ZC3H12C: variants seen among roughly 807,000 people sequenced by gnomAD.
ZC3H12C encodes zinc finger CCCH-type containing 12C, also known as probable ribonuclease ZC3H12C.
A neutral mutation model predicts 76.3 loss-of-function variants in ZC3H12C; 20 were observed. The ratio of observed to expected loss-of-function variants is 0.26; its 90% CI spans 0.18 to 0.38. The LOEUF (loss-of-function observed/expected upper bound fraction) is 0.38. Ranked by LOEUF, ZC3H12C falls within the 10% of genes least tolerant of loss-of-function variation. The pLI is 1.00. For synonymous variants in ZC3H12C, 352 were observed against 399.6 expected, an observed-to-expected ratio of 0.88 and a Z score of 1.42; for missense variants, 874 against 1,086.5, an observed-to-expected ratio of 0.80 and a Z score of 2.75.
chr11:110,143,724 A>G (rs1021902449), intron 2 of ZC3H12C, among the ~76,000 whole-genome samples: 2 of 152,160 alleles, frequency 1.3e-5, no homozygotes, highest in Non-Finnish European at 2.9e-5. Context: ...GGGTCTTGCT[A>G]TGTTGTCCAG....
chr11:110,160,328 C>A (rs1862457067), intron 4 of ZC3H12C, among the ~76,000 whole-genome samples: 1 of 152,034 alleles, frequency 6.6e-6, no homozygotes, highest in African/African-American at 2.4e-5. Context: ...TCAAAAAATA[C>A]TTTTCTTTTT....
intron 1 of ZC3H12C, among the ~76,000 whole-genome samples, chr11:110,107,623 T>G (rs1861354990): frequency 6.6e-6 from 1 of 152,110 alleles, no homozygotes; most frequent in Non-Finnish European, 1.5e-5. Flanking sequence ...CCTCCCGGGT[T>G]TAAGCAAATC....
chr11:110,115,864 G>A (rs1253990781), intron 1 of ZC3H12C, among the ~76,000 whole-genome samples: 2 of 149,910 alleles, frequency 1.3e-5, no homozygotes, highest in East Asian at 2.0e-4. Flanking sequence ...GGGTTCAAGC[G>A]ATTCTCCTGC....
chr11:110,161,396 A>G (rs1862479437), intron 4 of ZC3H12C, among the ~76,000 whole-genome samples: 1 of 152,122 alleles, frequency 6.6e-6, no homozygotes, highest in Admixed American at 6.5e-5. Context: ...GTAATGTAAG[A>G]CTCTGGTCAT....
chr11:110,114,876 A>G (rs1300954864), intron 1 of ZC3H12C, among the ~76,000 whole-genome samples: 5 of 152,188 alleles, frequency 3.3e-5, no homozygotes, highest in African/African-American at 1.2e-4. Flanking sequence ...TTAACTTTTC[A>G]ATAATTTATA....
chr11:110,120,270 C>G (rs1187001171), intron 1 of ZC3H12C, among the ~76,000 whole-genome samples: 1 of 152,090 alleles, frequency 6.6e-6, no homozygotes. Flanking sequence ...TTAAAGATGC[C>G]TTATTTAATA....
chr11:110,163,440 T>C lies in ZC3H12C; in HGVS notation c.1255+61T>C, dbSNP rs1565269841. ...AGAACACAATATATTATTAAACTTT[T>C]GTTAACAAAAATGAACACTTAAAAT... On this transcript the variant is annotated intron_variant, in intron 5 of 5. Transcript: ENST00000278590. 8 of 1,389,140 alleles carry C rather than the reference T, an allele frequency of 5.8e-6. No individual in the cohort carries two copies. In the East Asian group the frequency reaches 1.8e-4, roughly 31 times the overall value. The allele number at this position is 1,389,140 out of a possible 1,614,324, so 86.1% of individuals were successfully genotyped here. A position where few individuals can be genotyped will look rare whatever the true frequency, so the allele number is the denominator to read the frequency against.
intron 3 of ZC3H12C, among the ~76,000 whole-genome samples, chr11:110,158,954 A>T (rs1862427687): frequency 6.6e-6 from 1 of 152,238 alleles, no homozygotes; most frequent in South Asian, 2.1e-4. Flanking sequence ...TGGTCGTGTG[A>T]TGACTCCAGC....
rs1862677527 is a variant in ZC3H12C, at chr11:110,171,453, G to C, written c.*5716G>C. 6.6e-6 allele frequency: 1 copy of C among 152,104 alleles called. No individual in the cohort carries two copies. The highest frequency in any genetic ancestry group is 1.5e-5 in the Non-Finnish European group (1 of 68,032). 9.4% of individuals were successfully genotyped at this position (152,104 alleles called of 1,614,324 possible). ...AAAAGTAAGGCAAAGGATGTGTAGT[G>C]CAACCATCTGATAAACTAGTGTGAT... On this transcript the variant is annotated 3_prime_UTR_variant, in exon 6 of 6. Transcript: ENST00000278590.
intron 3 of ZC3H12C, among the ~76,000 whole-genome samples, chr11:110,158,504 A>T (rs1862418419): frequency 6.6e-6 from 1 of 151,394 alleles, no homozygotes; most frequent in South Asian, 2.1e-4. Flanking sequence ...ACCAAGACTC[A>T]GTCACAGAAA....
intron 1 of ZC3H12C, among the ~76,000 whole-genome samples, chr11:110,113,735 C>T (rs1343537737): frequency 6.6e-6 from 1 of 152,180 alleles, no homozygotes; most frequent in African/African-American, 2.4e-5. Flanking sequence ...ATAACTCCTT[C>T]CTCTTTTGTC....
At chr11:110,102,451 C>T (rs1861234457) in intron 1 of ZC3H12C, among the ~76,000 whole-genome samples, 1 of 151,984 alleles carries the variant, frequency 6.6e-6, no homozygotes, top group Non-Finnish European at 1.5e-5. Flanking sequence ...AAAGATGTGA[C>T]TGAACTGCTG....
intron 1 of ZC3H12C, among the ~76,000 whole-genome samples, chr11:110,121,839 GC>G (rs1161601894): frequency 9.9e-5 from 15 of 152,128 alleles, no homozygotes; most frequent in African/African-American, 3.4e-4. Flanking sequence ...TGGGTTTGCA[GC>G]TCGTTTTGGA....
intron 2 of ZC3H12C, among the ~76,000 whole-genome samples, chr11:110,150,090 A>G (rs949486793): frequency 2.6e-5 from 4 of 152,296 alleles, no homozygotes; most frequent in South Asian, 4.1e-4. Context: ...CAGTTGCCCT[A>G]GTACCATTTG....
At chr11:110,100,319 C>T (rs1437189193) in intron 1 of ZC3H12C, among the ~76,000 whole-genome samples, 1 of 150,766 alleles carries the variant, frequency 6.6e-6, no homozygotes, top group Non-Finnish European at 1.5e-5. Context: ...GCTGGGATTA[C>T]AGGCGTGAGC....
intron 1 of ZC3H12C, among the ~76,000 whole-genome samples, chr11:110,093,826 G>A (rs1055812318): frequency 6.6e-6 from 1 of 152,134 alleles, no homozygotes; most frequent in African/African-American, 2.4e-5. Context: ...CGCTGCCCCA[G>A]CGGCTCAGAC....
At chr11:110,120,713 A>G (rs368265708) in intron 1 of ZC3H12C, among the ~76,000 whole-genome samples, 1 of 152,192 alleles carries the variant, frequency 6.6e-6, no homozygotes, top group Non-Finnish European at 1.5e-5. Context: ...AAGATGGGGA[A>G]TCTGCAAATG....
In ZC3H12C at chr11:110,159,838, GATAGCTTACTAA is replaced by G. The variant is rs368957213; in HGVS notation, c.1148+352_1148+363del. On this transcript the variant is annotated intron_variant, in intron 4 of 5. Coordinates refer to ENST00000278590, the MANE Select transcript of ZC3H12C (RefSeq NM_033390.2). Reference sequence around the variant, plus strand: ...CCTTTTAAAATCAATTTAGAGCACTGATAGCTTACTAAATAAGCCATGCTTGGCTTAACAACA... The same window carrying G: ...CCTTTTAAAATCAATTTAGAGCACTGATAAGCCATGCTTGGCTTAACAACA... Among the ~76,000 whole-genome samples, 612 of 152,356 alleles carry G rather than the reference GATAGCTTACTAA, an allele frequency of 4.0e-3. 2 individuals carry two copies. Among genetic ancestry groups the G allele is most frequent in the African/African-American group, 0.014 (565 of 41,594 alleles).
At chr11:110,118,704 G>A (rs1018087976) in intron 1 of ZC3H12C, among the ~76,000 whole-genome samples, 1 of 152,164 alleles carries the variant, frequency 6.6e-6, no homozygotes, top group Non-Finnish European at 1.5e-5. Context: ...GGCTAAGGCA[G>A]GAGAATTGCT....
Sources: allele counts gnomAD v4.1 joint callset (sites outside exome capture counted in the v4.1 genomes callset), GRCh38; gene constraint gnomAD v4.1.1; transcripts MANE v1.5; gene names NCBI Gene and HGNC (gene_info 2026-07-23, HGNC 2026-07-21).